CNBP: variants seen among roughly 807,000 people sequenced by gnomAD.
CNBP encodes CCHC-type zinc finger nucleic acid binding protein.
Under a neutral mutation model 21.2 loss-of-function variants are expected in CNBP, and 6 were observed. The ratio of observed to expected loss-of-function variants is 0.28; its 90% CI spans 0.16 to 0.56. The LOEUF (loss-of-function observed/expected upper bound fraction) is 0.56. CNBP is among the 20% of genes least tolerant of loss of function. CNBP has a pLI of 0.93. For missense variants in CNBP, 112 were observed against 233.1 expected (o/e 0.48, Z 3.38); for synonymous variants, 61 against 74.9 (o/e 0.81, Z 0.96).
rs1576905977 is a variant in CNBP at position 129,169,552 on chromosome 3, C to A, written c.*901G>T. On this transcript the variant is annotated 3_prime_UTR_variant, in exon 5 of 5. Transcript: ENST00000422453. ...TATATACATTAATGAAAATTTGAAA[C>A]AAACAAAAAGAACTTTAGTCAAACT... The A allele has an allele frequency of 4.9e-6, 1 of 205,640 alleles. No homozygotes were observed. Among genetic ancestry groups the A allele is most frequent in the Non-Finnish European group, 1.0e-5 (1 of 100,322 alleles). The allele number at this position is 205,640 out of a possible 1,614,324, so 12.7% of individuals were successfully genotyped here. A position where few individuals can be genotyped will look rare whatever the true frequency, so the allele number is the denominator to read the frequency against.
Position 129,178,099 on chromosome 3 carries a change from C to T in CNBP, c.-15+5677G>A, listed in dbSNP as rs186343923. 5.6e-4 allele frequency among the ~76,000 whole-genome samples: 78 copies of T among 138,502 alleles called. No homozygotes were observed. In the East Asian group the frequency reaches 0.015, roughly 27 times the overall value. 90.9% of individuals were successfully genotyped at this position (138,502 alleles called of 152,430 possible). The stretch of plus-strand genomic sequence containing the variant: ...GCTTGAACCCAGGAGGCAGAGGTTG[C>T]AGTGAGCCAAGATCGCACCACTGCA... On this transcript the variant is annotated intron_variant, in intron 1 of 4. Coordinates refer to ENST00000422453, the MANE Select transcript of CNBP (RefSeq NM_003418.5).
chr3:129,172,617 CAGGCAGCCAGGCAGGCAGGCAGG>C (rs1560034693), intron 1 of CNBP, among the ~76,000 whole-genome samples: 50 of 79,414 alleles, frequency 6.3e-4, no homozygotes, highest in East Asian at 1.2e-3. Context: ...GACAGGCAGA[CAGGCAGCCAGGCAGGCAGGCAGG>C]CAGGCAGGCA....
chr3:129,176,481 C>T (rs989864198), intron 1 of CNBP, among the ~76,000 whole-genome samples: 11 of 152,148 alleles, frequency 7.2e-5, no homozygotes, highest in African/African-American at 2.7e-4. Flanking sequence ...ATATAGTTAT[C>T]CTTTTAGTAG....
At position 129,170,497 on chromosome 3, in the gene CNBP, A is replaced by C. The variant is rs901987607; in HGVS notation, c.490T>G (p.Ser164Ala). Reference protein sequence around the residue: ...SEVNCYRCGESGHLARECTIE... With the variant: ...SEVNCYRCGEAGHLARECTIE... ...GTGCATTCCCGTGCAAGGTGCCCTG[A>C]CTCGCCACAGCGGTAACAGTTGACT... The change falls in exon 5 of 5, where the codon TCA becomes GCA. Residue 164 changes from serine to alanine, a missense_variant. By Grantham distance (99) the Ser-to-Ala change is moderately conservative (BLOSUM62 1). Coordinates refer to ENST00000422453, the MANE Select transcript of CNBP (RefSeq NM_003418.5). 12 of 1,613,940 alleles carry C rather than the reference A, an allele frequency of 7.4e-6. No individual in the cohort carries two copies. The highest frequency in any genetic ancestry group is 1.3e-5 in the African/African-American group (1 of 74,876).
In CNBP at chr3:129,169,453, A is replaced by G. The variant is rs1937530999; in HGVS notation, c.*1000T>C. 5.1e-6 allele frequency: 1 copy of G among 194,542 alleles called. No individual in the cohort carries two copies. The highest frequency in any genetic ancestry group is 1.1e-5 in the Non-Finnish European group (1 of 93,446). The allele number at this position is 194,542 out of a possible 1,614,324, so 12.1% of individuals were successfully genotyped here. A position where few individuals can be genotyped will look rare whatever the true frequency, so the allele number is the denominator to read the frequency against. Reference sequence around the variant, plus strand: ...ATTTTCATTATTGAAGACATGACTTAAGTACAAAAAGAAAAGTCCAAACTG... The same window carrying G: ...ATTTTCATTATTGAAGACATGACTTGAGTACAAAAAGAAAAGTCCAAACTG... On this transcript the variant is annotated 3_prime_UTR_variant, in exon 5 of 5. Transcript: ENST00000422453.
chr3:129,169,289 A>T lies in CNBP; in HGVS notation c.*1164T>A, dbSNP rs889513848. Among the ~76,000 whole-genome samples, 1 of 152,130 alleles carries T rather than the reference A, an allele frequency of 6.6e-6. No homozygotes were observed. The highest frequency in any genetic ancestry group is 2.4e-5 in the African/African-American group (1 of 41,416). On this transcript the variant is annotated 3_prime_UTR_variant, in exon 5 of 5. Transcript: ENST00000422453. ...CGACAAGAGTGAGACTCCGTCTCCA[A>T]AACAAAACAAAACCACCACCACCAA...
At chr3:129,176,671 C>G (rs73212431) in intron 1 of CNBP, among the ~76,000 whole-genome samples, 25,317 of 152,130 alleles carry the variant, frequency 0.17, 2,691 homozygotes, top group Middle Eastern at 0.25. Context: ...CAATTTTGTA[C>G]TCACTAAGGA....
intron 1 of CNBP, among the ~76,000 whole-genome samples, chr3:129,172,473 T>C (rs547293732): frequency 5.3e-5 from 8 of 152,236 alleles, no homozygotes; most frequent in African/African-American, 1.9e-4. Flanking sequence ...TCCCAGCTAC[T>C]CAGGAGGCTG....
At chr3:129,175,324 C>A (rs868390321) in intron 1 of CNBP, among the ~76,000 whole-genome samples, 11 of 149,520 alleles carry the variant, frequency 7.4e-5, no homozygotes, top group Middle Eastern at 3.4e-3. Context: ...ACTCCGTCTT[C>A]AAAGAAAGAA....
Position 129,170,262 on chromosome 3 carries a change from A to G in CNBP, c.*191T>C. On this transcript the variant is annotated 3_prime_UTR_variant, in exon 5 of 5. Coordinates refer to ENST00000422453, the MANE Select transcript of CNBP (RefSeq NM_003418.5). ...TTATACATAACACCTCTACCAAACT[A>G]AACATAAACTTTTTTTGTAGTTAAA... 1.7e-6 allele frequency: 1 copy of G among 594,634 alleles called. No individual in the cohort carries two copies. The highest frequency in any genetic ancestry group is 3.0e-6 in the Non-Finnish European group (1 of 332,478). 36.8% of individuals were successfully genotyped at this position (594,634 alleles called of 1,614,324 possible).
At chr3:129,176,071 T>G (rs984497968) in intron 1 of CNBP, among the ~76,000 whole-genome samples, 2 of 152,200 alleles carry the variant, frequency 1.3e-5, no homozygotes, top group Admixed American at 6.5e-5. Flanking sequence ...CAGGTCCCCA[T>G]CCTAGCACTC....
At position 129,169,938 on chromosome 3, in the gene CNBP, T is replaced by C. The variant is rs186903970; in HGVS notation, c.*515A>G. The C allele has an allele frequency of 2.2e-5, 5 of 232,308 alleles. No individual in the cohort carries two copies. Among genetic ancestry groups the C allele is most frequent in the African/African-American group, 1.1e-4 (5 of 45,222 alleles). 14.4% of individuals were successfully genotyped at this position (232,308 alleles called of 1,614,324 possible). A position where few individuals can be genotyped will look rare whatever the true frequency, so the allele number is the denominator to read the frequency against. ...TATTCCGATTTCTCTCGAACAGCCA[T>C]TAACACGCATGTTTATCTTTTTGTT... On this transcript the variant is annotated 3_prime_UTR_variant, in exon 5 of 5. Transcript: ENST00000422453.
chr3:129,179,758 G>A (rs1186289612), intron 1 of CNBP, among the ~76,000 whole-genome samples: 1 of 152,194 alleles, frequency 6.6e-6, no homozygotes, highest in Admixed American at 6.5e-5. Flanking sequence ...CTTGAACCCA[G>A]GAGGTGGAGG....
intron 1 of CNBP, among the ~76,000 whole-genome samples, chr3:129,172,683 GACAGACAGACAGACAC>G (rs1385035151): frequency 5.6e-3 from 536 of 95,834 alleles, no homozygotes; most frequent in East Asian, 0.027. Context: ...CAGACAGACA[GACAGACAGACAGACAC>G]ACACACACAC....
chr3:129,170,393 G>A lies in CNBP; in HGVS notation c.*60C>T, dbSNP rs200247971. 1.4e-3 allele frequency: 1,953 copies of A among 1,418,736 alleles called. 4 individuals carry two copies. The highest frequency in any genetic ancestry group is 1.7e-3 in the Non-Finnish European group (1,729 of 1,002,064). The allele number at this position is 1,418,736 out of a possible 1,614,324, so 87.9% of individuals were successfully genotyped here. ...CTGCCAACCTTTGGCCAGTGAAGAG[G>A]ATTCAGAGAAAATAATACAACCATC... On this transcript the variant is annotated 3_prime_UTR_variant, in exon 5 of 5. Transcript: ENST00000422453.
chr3:129,175,814 A>G (rs1192659061), intron 1 of CNBP, among the ~76,000 whole-genome samples: 1 of 152,242 alleles, frequency 6.6e-6, no homozygotes, highest in Non-Finnish European at 1.5e-5. Context: ...AAAAGGGAAG[A>G]AAAACATTAA....
chr3:129,179,659 T>G (rs987922393), intron 1 of CNBP, among the ~76,000 whole-genome samples: 1 of 152,002 alleles, frequency 6.6e-6, no homozygotes, highest in Admixed American at 6.6e-5. Context: ...TCACTTGAGG[T>G]CGGCAGCCTG....
At chr3:129,174,789 ATC>A (rs1218875150) in intron 1 of CNBP, among the ~76,000 whole-genome samples, 1 of 152,126 alleles carries the variant, frequency 6.6e-6, no homozygotes, top group Non-Finnish European at 1.5e-5. Flanking sequence ...TTAACTATTG[ATC>A]TCAAGGAATT....
chr3:129,175,239 G>A (rs576765594), intron 1 of CNBP, among the ~76,000 whole-genome samples: 74 of 151,348 alleles, frequency 4.9e-4, no homozygotes, highest in Non-Finnish European at 9.1e-4. Context: ...CAGGAGAATC[G>A]CTTGAACCCG....
Sources: allele counts gnomAD v4.1 joint callset (sites outside exome capture counted in the v4.1 genomes callset), GRCh38; gene constraint gnomAD v4.1.1; transcripts MANE v1.5; gene names NCBI Gene and HGNC (gene_info 2026-07-23, HGNC 2026-07-21).